Variants in SLC7A2 observed in about 807,000 individuals in gnomAD.
SLC7A2 encodes the protein solute carrier family 7 member 2.
In SLC7A2, 48 loss-of-function variants were observed where a neutral mutation model predicts 58.9. The observed-to-expected ratio is 0.82, with a 90% CI of 0.65 to 1.04. SLC7A2 has a LOEUF of 1.04. Ranked by LOEUF, SLC7A2 falls within the 50% of genes least tolerant of loss-of-function variation. SLC7A2 has a pLI of 0.00. For missense variants in SLC7A2, 1,029 were observed against 818.8 expected (o/e 1.26, Z -3.13); for synonymous variants, 363 against 314.5 (o/e 1.15, Z -1.63).
chr8:17,497,493 T>TGCGCC (rs1285117842), intron 1 of SLC7A2, among the ~76,000 whole-genome samples: 1 of 152,142 alleles, frequency 6.6e-6, no homozygotes, highest in Non-Finnish European at 1.5e-5. Context: ...CGCCCCGGAA[T>TGCGCC]GCGCCTCGCC....
intron 2 of SLC7A2, among the ~76,000 whole-genome samples, chr8:17,522,783 C>G (rs1418073283): frequency 2.0e-5 from 3 of 152,106 alleles, no homozygotes; most frequent in African/African-American, 7.2e-5. Flanking sequence ...TCCCTGTCAT[C>G]TCAACACTTT....
intron 2 of SLC7A2, chr8:17,538,739 A>T: frequency 6.5e-7 from 1 of 1,547,968 alleles, no homozygotes; most frequent in Non-Finnish European, 8.8e-7. Context: ...AAAGATCCCT[A>T]CTTATCTATA....
chr8:17,527,573 T>C (rs1025921721), intron 2 of SLC7A2, among the ~76,000 whole-genome samples: 2 of 152,220 alleles, frequency 1.3e-5, no homozygotes, highest in Non-Finnish European at 2.9e-5. Flanking sequence ...CTGGACTGTC[T>C]GTGCTCCTTC....
chr8:17,517,242 G>C (rs745674440), intron 2 of SLC7A2, among the ~76,000 whole-genome samples: 7 of 152,134 alleles, frequency 4.6e-5, no homozygotes, highest in Non-Finnish European at 2.9e-5. Context: ...AGAAGGAAGA[G>C]GTTCCTGATA....
At chr8:17,502,042 A>T (rs993154405) in intron 1 of SLC7A2, among the ~76,000 whole-genome samples, 1 of 151,798 alleles carries the variant, frequency 6.6e-6, no homozygotes, top group African/African-American at 2.4e-5. Context: ...TGGCTTCATC[A>T]AGTCCTCCTA....
chr8:17,545,588 G>T (rs1010365643), intron 4 of SLC7A2, among the ~76,000 whole-genome samples: 1 of 151,626 alleles, frequency 6.6e-6, no homozygotes, highest in Non-Finnish European at 1.5e-5. Flanking sequence ...AGTAGAGACG[G>T]GGTTTCACTA....
At position 17,536,072 on chromosome 8, in the gene SLC7A2, G is replaced by A. The variant is rs145468690; in HGVS notation, c.-22-7246G>A. ...CCTTTCCTCCATTACATGAATTATC[G>A]CTCTGCCGCTAGCTTACTTCCATAA... On this transcript the variant is annotated intron_variant, in intron 2 of 12. Transcript: ENST00000494857. Among the ~76,000 whole-genome samples, 657 of 149,594 alleles carry A rather than the reference G, an allele frequency of 4.4e-3. 3 individuals carry two copies. Among genetic ancestry groups the A allele is most frequent in the African/African-American group, 0.014 (582 of 40,508 alleles).
At chr8:17,523,259 C>T (rs1003736806) in intron 2 of SLC7A2, among the ~76,000 whole-genome samples, 2 of 152,074 alleles carry the variant, frequency 1.3e-5, no homozygotes, top group African/African-American at 2.4e-5. Flanking sequence ...CTTCACAGAA[C>T]TAGGAAAAAC....
chr8:17,558,369 CTGG>C lies in SLC7A2; in HGVS notation c.1274_1276del (p.Val425del). The C allele has an allele frequency of 6.2e-7, 1 of 1,613,134 alleles. No homozygotes were observed. The highest frequency in any genetic ancestry group is 1.1e-5 in the South Asian group (1 of 90,896). ...CATTGGCACACTCATGGCCTACTCT[CTGG>C]TGGCAGCCTGTGTTCTCATCCTCAG... On this transcript the variant is annotated inframe_deletion, in exon 9 of 13. Transcript: ENST00000494857.
chr8:17,530,116 G>A (rs998855042), intron 2 of SLC7A2, among the ~76,000 whole-genome samples: 4 of 151,958 alleles, frequency 2.6e-5, no homozygotes, highest in African/African-American at 4.8e-5. Context: ...GCTTTTCCCT[G>A]CCTCCTACCC....
At chr8:17,496,572 C>T (rs1799963216), upstream of SLC7A2, among the ~76,000 whole-genome samples, 2 of 152,178 alleles carry the variant, frequency 1.3e-5, no homozygotes, top group African/African-American at 2.4e-5. Context: ...ACTACGTATT[C>T]ATACCACTGG....
intron 2 of SLC7A2, among the ~76,000 whole-genome samples, chr8:17,507,359 G>A (rs1490457085): frequency 6.6e-6 from 1 of 152,040 alleles, no homozygotes; most frequent in Admixed American, 6.6e-5. Flanking sequence ...ATTTAAATGT[G>A]TGTGTGTGTG....
intron 2 of SLC7A2, among the ~76,000 whole-genome samples, chr8:17,515,146 C>G (rs1357426067): frequency 1.3e-5 from 2 of 152,160 alleles, no homozygotes; most frequent in Non-Finnish European, 2.9e-5. Flanking sequence ...CGTTTACCAA[C>G]TCAATATTTA....
intron 2 of SLC7A2, among the ~76,000 whole-genome samples, chr8:17,530,484 C>T (rs971928110): frequency 1.3e-5 from 2 of 152,018 alleles, no homozygotes; most frequent in Non-Finnish European, 2.9e-5. Flanking sequence ...CAGGCTGGGG[C>T]CAGGTCACAG....
chr8:17,535,762 G>T (rs2150722242), intron 2 of SLC7A2, among the ~76,000 whole-genome samples: 1 of 152,230 alleles, frequency 6.6e-6, no homozygotes, highest in East Asian at 1.9e-4. Context: ...AATTAGCTAA[G>T]TGTGGTGGTG....
At chr8:17,528,411 G>T (rs1363244235) in intron 2 of SLC7A2, among the ~76,000 whole-genome samples, 1 of 151,976 alleles carries the variant, frequency 6.6e-6, no homozygotes, top group East Asian at 1.9e-4. Context: ...TAGAGACAGG[G>T]TCTCACTCTG....
chr8:17,564,448 A>G (rs775125041), intron 12 of SLC7A2, among the ~76,000 whole-genome samples: 2 of 152,204 alleles, frequency 1.3e-5, no homozygotes, highest in Non-Finnish European at 2.9e-5. Flanking sequence ...TCTGTGGGGT[A>G]TCTTACATTT....
At chr8:17,521,770 G>A (rs1383279379) in intron 2 of SLC7A2, among the ~76,000 whole-genome samples, 1 of 152,238 alleles carries the variant, frequency 6.6e-6, no homozygotes, top group Non-Finnish European at 1.5e-5. Context: ...TCCGTGCCCA[G>A]AATTATGCAT....
At chr8:17,510,682 G>A (rs909402375) in intron 2 of SLC7A2, 1 of 152,188 alleles carries the variant, frequency 6.6e-6, no homozygotes, top group African/African-American at 2.4e-5. Flanking sequence ...ATGGAAGACA[G>A]TGTGGCCATT....
Sources: allele counts gnomAD v4.1 joint callset (sites outside exome capture counted in the v4.1 genomes callset), GRCh38; gene constraint gnomAD v4.1.1; transcripts MANE v1.5; gene names NCBI Gene and HGNC (gene_info 2026-07-23, HGNC 2026-07-21).